GMDS: variants seen among roughly 807,000 people sequenced by gnomAD.
GMDS encodes GDP-mannose 4,6 dehydratase.
A neutral mutation model predicts 49.9 loss-of-function variants in GMDS; 20 were observed. The ratio of observed to expected loss-of-function variants is 0.40; its 90% CI spans 0.28 to 0.58. The LOEUF is 0.58. GMDS is among the 20% of genes least tolerant of loss of function. The pLI, the probability that GMDS is intolerant of heterozygous loss-of-function variation, is 0.42. For missense variants in GMDS, 362 were observed against 481.4 expected (o/e 0.75, Z 2.32); for synonymous variants, 177 against 178.6 (o/e 0.99, Z 0.07).
intron 9 of GMDS, among the ~76,000 whole-genome samples, chr6:1,701,488 C>T (rs768623643): frequency 5.9e-5 from 9 of 152,094 alleles, no homozygotes; most frequent in Middle Eastern, 3.4e-3. Context: ...TCCCATTCAT[C>T]GACAGAGCAA....
intron 4 of GMDS, among the ~76,000 whole-genome samples, chr6:2,106,849 C>A (rs928656669): frequency 4.1e-5 from 6 of 145,458 alleles, no homozygotes; most frequent in Non-Finnish European, 8.8e-5. Context: ...GGCGACAGAG[C>A]GAGACTCTGT....
chr6:2,209,003 C>G (rs1380344792), intron 1 of GMDS, among the ~76,000 whole-genome samples: 1 of 152,154 alleles, frequency 6.6e-6, no homozygotes, highest in African/African-American at 2.4e-5. Context: ...GAAACCTCTT[C>G]CATCACTTCA....
chr6:2,108,569 T>C (rs556341164), intron 4 of GMDS, among the ~76,000 whole-genome samples: 4 of 152,198 alleles, frequency 2.6e-5, no homozygotes, highest in Non-Finnish European at 5.9e-5. Context: ...CTCTTTCATA[T>C]GGTATTAATT....
chr6:2,209,966 C>G (rs1251392696), intron 1 of GMDS, among the ~76,000 whole-genome samples: 1 of 152,134 alleles, frequency 6.6e-6, no homozygotes, highest in African/African-American at 2.4e-5. Flanking sequence ...GTAAACAAGA[C>G]AGCCTTAACA....
At chr6:2,008,946 T>C (rs895646032) in intron 4 of GMDS, among the ~76,000 whole-genome samples, 5 of 152,226 alleles carry the variant, frequency 3.3e-5, no homozygotes, top group Admixed American at 6.5e-5. Context: ...AGTTGCTAGA[T>C]TGGTAACTGA....
intron 4 of GMDS, among the ~76,000 whole-genome samples, chr6:2,033,712 A>C (rs1169880800): frequency 6.6e-6 from 1 of 152,222 alleles, no homozygotes; most frequent in East Asian, 1.9e-4. Flanking sequence ...TTAGATCCTA[A>C]CAGTACAGAT....
At chr6:1,762,898 T>A (rs1265221425) in intron 7 of GMDS, among the ~76,000 whole-genome samples, 1 of 152,252 alleles carries the variant, frequency 6.6e-6, no homozygotes. Context: ...ATTTTGTTTA[T>A]AAATCAATAA....
At chr6:1,812,190 C>A (rs908353029) in intron 7 of GMDS, among the ~76,000 whole-genome samples, 4 of 152,104 alleles carry the variant, frequency 2.6e-5, no homozygotes, top group Non-Finnish European at 5.9e-5. Context: ...CCTTATAGAA[C>A]GAGGAGGAGC....
intron 9 of GMDS, among the ~76,000 whole-genome samples, chr6:1,706,252 T>C (rs1765732513): frequency 6.6e-6 from 1 of 152,192 alleles, no homozygotes; most frequent in Admixed American, 6.5e-5. Context: ...CTGATGATTC[T>C]GAGGGGAGGT....
intron 7 of GMDS, among the ~76,000 whole-genome samples, chr6:1,911,175 C>T (rs1040887522): frequency 6.6e-6 from 1 of 152,148 alleles, no homozygotes; most frequent in Non-Finnish European, 1.5e-5. Flanking sequence ...TAAGCTTTCC[C>T]TACATACTGA....
At chr6:2,220,838 T>C (rs1417738173) in intron 1 of GMDS, among the ~76,000 whole-genome samples, 1 of 152,106 alleles carries the variant, frequency 6.6e-6, no homozygotes, top group African/African-American at 2.4e-5. Context: ...CCTGTACTTG[T>C]ATGTCCCTGT....
At chr6:2,225,696 G>A (rs971356910) in intron 1 of GMDS, among the ~76,000 whole-genome samples, 4 of 152,182 alleles carry the variant, frequency 2.6e-5, no homozygotes, top group African/African-American at 7.2e-5. Flanking sequence ...CAGTAAGCTA[G>A]GGATCAGAAA....
chr6:2,002,051 A>G (rs930487887), intron 4 of GMDS, among the ~76,000 whole-genome samples: 1 of 152,160 alleles, frequency 6.6e-6, no homozygotes, highest in Non-Finnish European at 1.5e-5. Context: ...GTAGAAGTGC[A>G]TAGGTGCTGA....
At chr6:1,910,672 A>G (rs900864973) in intron 7 of GMDS, among the ~76,000 whole-genome samples, 1 of 152,160 alleles carries the variant, frequency 6.6e-6, no homozygotes, top group Non-Finnish European at 1.5e-5. Flanking sequence ...TTGCACATAC[A>G]CGAGGGTCTT....
chr6:1,747,117 C>T (rs1767529386), intron 7 of GMDS, among the ~76,000 whole-genome samples: 1 of 152,150 alleles, frequency 6.6e-6, no homozygotes, highest in Non-Finnish European at 1.5e-5. Flanking sequence ...GGCCACTCCC[C>T]TGCTTGGGAA....
At chr6:2,042,135 G>C (rs185498434) in intron 4 of GMDS, among the ~76,000 whole-genome samples, 1 of 152,280 alleles carries the variant, frequency 6.6e-6, no homozygotes, top group East Asian at 1.9e-4. Flanking sequence ...AGGCAGTAAA[G>C]AAAAACATTT....
At chr6:1,931,458 C>T (rs979887211) in intron 6 of GMDS, among the ~76,000 whole-genome samples, 4 of 152,160 alleles carry the variant, frequency 2.6e-5, no homozygotes, top group Non-Finnish European at 4.4e-5. Context: ...CCGTGGAAAT[C>T]CAAATTTTCA....
At chr6:1,882,799 C>T (rs1759423621) in intron 7 of GMDS, among the ~76,000 whole-genome samples, 1 of 152,182 alleles carries the variant, frequency 6.6e-6, no homozygotes, top group Non-Finnish European at 1.5e-5. Context: ...GATAAGGCAA[C>T]ATGACATAAT....
chr6:2,029,935 T>A (rs913323901), intron 4 of GMDS, among the ~76,000 whole-genome samples: 2 of 152,128 alleles, frequency 1.3e-5, no homozygotes, highest in African/African-American at 2.4e-5. Flanking sequence ...GCTGGGGGCC[T>A]CCTAAGGATT....
Sources: gnomAD v4.1 joint callset for allele counts (sites outside exome capture counted in the v4.1 genomes callset) on GRCh38, gnomAD v4.1.1 for gene constraint, MANE v1.5 for transcripts, NCBI Gene and HGNC (gene_info 2026-07-23, HGNC 2026-07-21) for gene names.